AKAP6: variants seen among roughly 807,000 people sequenced by gnomAD.
AKAP6 encodes the protein A-kinase anchor protein 6.
AKAP6 carries 58 observed loss-of-function variants against 188.5 expected under a neutral mutation model. The observed-to-expected ratio is 0.31, with a 90% confidence interval of 0.25 to 0.38. The LOEUF is 0.38. Among genes scored for constraint, AKAP6 ranks in the 10% least tolerant of loss-of-function variants. AKAP6 has a pLI of 1.00. For missense variants in AKAP6, 2,710 were observed against 2,740.0 expected, an observed-to-expected ratio of 0.99 and a Z score of 0.24; for synonymous variants, 989 against 998.6, an observed-to-expected ratio of 0.99 and a Z score of 0.18.
intron 7 of AKAP6, among the ~76,000 whole-genome samples, chr14:32,614,632 T>C (rs1224932759): frequency 1.3e-5 from 2 of 152,194 alleles, no homozygotes; most frequent in African/African-American, 2.4e-5. Context: ...CATTGTGGAC[T>C]GCCTAACCAA....
At chr14:32,725,825 T>C (rs1281641175) in intron 9 of AKAP6, among the ~76,000 whole-genome samples, 1 of 152,228 alleles carries the variant, frequency 6.6e-6, no homozygotes, top group East Asian at 1.9e-4. Context: ...GTTAATAATA[T>C]GCTCTTATCC....
chr14:32,747,950 G>C (rs1400950182), intron 11 of AKAP6, among the ~76,000 whole-genome samples: 1 of 152,154 alleles, frequency 6.6e-6, no homozygotes, highest in African/African-American at 2.4e-5. Context: ...CTGTCAGACA[G>C]ACCAGATTCA....
chr14:32,579,982 A>G (rs890401281), intron 5 of AKAP6, among the ~76,000 whole-genome samples: 1 of 152,104 alleles, frequency 6.6e-6, no homozygotes, highest in African/African-American at 2.4e-5. Flanking sequence ...GCAAGCCTCT[A>G]GGGTCTGAGT....
In AKAP6 at chr14:32,578,082, T is replaced by C. The variant is rs182940242; in HGVS notation, c.2469+840T>C. 3.0e-4 allele frequency among the ~76,000 whole-genome samples: 46 copies of C among 152,138 alleles called. No homozygotes were observed. The East Asian group carries it at 7.1e-3, about 24-fold the overall frequency. On this transcript the variant is annotated intron_variant, in intron 5 of 13. Coordinates refer to ENST00000280979, the MANE Select transcript of AKAP6 (RefSeq NM_004274.5). ...AATCCTTGGGTACTCAACTGTGGGG[T>C]TGATTTTCTGCCCCTCTTACACACT...
chr14:32,666,243 T>C (rs1888928381), intron 7 of AKAP6, among the ~76,000 whole-genome samples: 1 of 152,144 alleles, frequency 6.6e-6, no homozygotes. Context: ...CTTTTCTTCA[T>C]CTTTATATGT....
In AKAP6 at chr14:32,833,807, C is replaced by G. The variant is rs560839652; in HGVS notation, c.*4002C>G. The G allele has an allele frequency of 1.1e-3, 168 of 152,184 alleles. No homozygotes were observed. Among genetic ancestry groups the G allele is most frequent in the African/African-American group, 3.9e-3 (161 of 41,518 alleles). The allele number at this position is 152,184 out of a possible 1,614,324, so 9.4% of individuals were successfully genotyped here. On this transcript the variant is annotated 3_prime_UTR_variant, in exon 14 of 14. Transcript: ENST00000280979. ...TAAATCGAACCAACTAAATTTACCG[C>G]TATATTTTTTTCTACATATTCTTTT...
intron 4 of AKAP6, among the ~76,000 whole-genome samples, chr14:32,558,357 TTACATAAGAC>T (rs1405358827): frequency 1.3e-5 from 2 of 152,250 alleles, no homozygotes; most frequent in African/African-American, 4.8e-5. Context: ...TCTGTGTCTG[TTACATAAGAC>T]AATATTTGGT....
Position 32,433,467 on chromosome 14 carries a change from G to T in AKAP6, c.-27G>T. The T allele has an allele frequency of 1.9e-6, 3 of 1,594,278 alleles. No homozygotes were observed. The highest frequency in any genetic ancestry group is 2.2e-5 in the South Asian group (2 of 89,628). On this transcript the variant is annotated 5_prime_UTR_variant, in exon 2 of 14. Transcript: ENST00000280979. ...TTTCCTCTTGCCTTTCAGCTGTTTTGGAAAGAAGTGAGGTTTAGACTTCTC... is the reference window on the plus strand; with the variant it reads ...TTTCCTCTTGCCTTTCAGCTGTTTTTGAAAGAAGTGAGGTTTAGACTTCTC...
rs1269760807 is a variant in AKAP6, at chr14:32,643,208, C to T, written c.2731-35103C>T. Among the ~76,000 whole-genome samples, 5 of 152,114 alleles carry T rather than the reference C, an allele frequency of 3.3e-5. No individual in the cohort carries two copies. In the East Asian group the frequency reaches 9.6e-4, roughly 29 times the overall value. On this transcript the variant is annotated intron_variant, in intron 7 of 13. Coordinates refer to ENST00000280979, the MANE Select transcript of AKAP6 (RefSeq NM_004274.5). The stretch of plus-strand genomic sequence containing the variant: ...GAAAGCAGGAATCAATGGTAAAACC[C>T]ATCTACCAGGATGGATATTATCTTG...
chr14:32,610,495 C>T (rs979486086), intron 7 of AKAP6, among the ~76,000 whole-genome samples: 1 of 152,124 alleles, frequency 6.6e-6, no homozygotes, highest in Non-Finnish European at 1.5e-5. Context: ...GGATACTGTA[C>T]CTCTTCTTGC....
At chr14:32,537,998 C>T (rs1230162969) in intron 3 of AKAP6, among the ~76,000 whole-genome samples, 2 of 152,146 alleles carry the variant, frequency 1.3e-5, no homozygotes, top group Admixed American at 6.6e-5. Context: ...TGTTTGAAGT[C>T]AGTCTTTAGT....
intron 12 of AKAP6, among the ~76,000 whole-genome samples, chr14:32,811,219 A>G (rs2034220262): frequency 7.4e-6 from 1 of 134,548 alleles, no homozygotes; most frequent in African/African-American, 2.8e-5. Context: ...AGCCTGGGTG[A>G]CAGAGCGAGA....
intron 12 of AKAP6, among the ~76,000 whole-genome samples, chr14:32,802,846 C>T (rs1279009500): frequency 6.6e-6 from 1 of 152,182 alleles, no homozygotes; most frequent in African/African-American, 2.4e-5. Context: ...ACCTGTAATT[C>T]CAGCACTTTG....
intron 1 of AKAP6, among the ~76,000 whole-genome samples, chr14:32,386,470 G>A (rs1261925878): frequency 6.6e-6 from 1 of 151,610 alleles, no homozygotes; most frequent in African/African-American, 2.4e-5. Flanking sequence ...TTTTCTTACT[G>A]ATTTGTTAGA....
intron 11 of AKAP6, among the ~76,000 whole-genome samples, chr14:32,739,197 A>G (rs1462371061): frequency 7.7e-6 from 1 of 129,754 alleles, no homozygotes; most frequent in African/African-American, 2.5e-5. Flanking sequence ...TTATAGTATG[A>G]TCTGCTATTT....
chr14:32,453,628 G>A (rs1487895733), intron 2 of AKAP6, among the ~76,000 whole-genome samples: 1 of 110,782 alleles, frequency 9.0e-6, no homozygotes, highest in Non-Finnish European at 1.8e-5. Flanking sequence ...ACGGAGTCTC[G>A]TTCTGTCGCC....
chr14:32,527,208 A>G (rs1012632312), intron 2 of AKAP6, among the ~76,000 whole-genome samples: 1 of 152,152 alleles, frequency 6.6e-6, no homozygotes, highest in Admixed American at 6.5e-5. Context: ...GCCTTTTCAG[A>G]TTGACTTCTT....
intron 2 of AKAP6, among the ~76,000 whole-genome samples, chr14:32,477,242 A>C (rs1179545240): frequency 6.6e-6 from 1 of 152,322 alleles, no homozygotes; most frequent in South Asian, 2.1e-4. Context: ...TACAGGGAAC[A>C]TCTCATGACC....
At chr14:32,756,166 T>G (rs137993449) in intron 11 of AKAP6, among the ~76,000 whole-genome samples, 62 of 152,250 alleles carry the variant, frequency 4.1e-4, no homozygotes, top group Middle Eastern at 3.4e-3. Flanking sequence ...TCCACTGGGA[T>G]GAGCCTGGAG....
Sources: allele counts gnomAD v4.1 joint callset (sites outside exome capture counted in the v4.1 genomes callset), GRCh38; gene constraint gnomAD v4.1.1; transcripts MANE v1.5; gene names NCBI Gene and HGNC (gene_info 2026-07-23, HGNC 2026-07-21).